SH2D4A: variants seen among roughly 807,000 people sequenced by gnomAD.
SH2D4A encodes SH2 domain-containing protein 4A.
A neutral mutation model predicts 64.7 loss-of-function variants in SH2D4A; 70 were observed. That is an observed-to-expected ratio of 1.08 (90% CI 0.89 to 1.32). The LOEUF is 1.32. Ranked by LOEUF, SH2D4A falls within the 40% of genes most tolerant of loss-of-function variation. The probability of loss-of-function intolerance (pLI) is 0.00; values close to 1 mark genes in which losing one functional copy is unlikely to be tolerated. For missense variants in SH2D4A, 706 were observed against 540.1 expected (o/e 1.31, Z -3.04); for synonymous variants, 268 against 200.7 (o/e 1.34, Z -2.83).
At chr8:19,363,928 G>C (rs558790755) in intron 6 of SH2D4A, 144 bp from the exon 7 acceptor site, 1 of 716,834 alleles carries the variant, frequency 1.4e-6, no homozygotes, top group South Asian at 1.9e-5. Context: ...TGGATCATAG[G>C]TGTTGATAAT....
At position 19,364,259 on chromosome 8, in the gene SH2D4A, G is replaced by A. The variant is rs1255404354; in HGVS notation, c.894G>A (p.Gly298=). 4 of 1,613,946 alleles carry A rather than the reference G, an allele frequency of 2.5e-6. No homozygotes were observed. Among genetic ancestry groups the A allele is most frequent in the South Asian group, 1.1e-5 (1 of 91,078 alleles). The change falls in exon 7 of 10, where the codon GGG becomes GGA. Residue 298 remains glycine, a synonymous_variant. Transcript: ENST00000265807. ...LPPKPQFLNS[G]AYPQKPLRNQ... The stretch of plus-strand genomic sequence containing the variant: ...CCAAGCCTCAGTTCCTAAACTCAGG[G>A]GCATATCCTCAAAAACCTCTTAGGT...
chr8:19,316,822 C>T (rs1368953041), intron 1 of SH2D4A, among the ~76,000 whole-genome samples: 1 of 152,170 alleles, frequency 6.6e-6, no homozygotes, highest in East Asian at 1.9e-4. Context: ...CAGCTGCTGA[C>T]CTGTGCTCTA....
intron 8 of SH2D4A, among the ~76,000 whole-genome samples, chr8:19,376,866 A>G (rs1245686531): frequency 6.6e-6 from 1 of 152,172 alleles, no homozygotes; most frequent in East Asian, 1.9e-4. Context: ...TAATCAGGCA[A>G]AATCATCTCA....
chr8:19,378,563 G>A (rs75221218), intron 8 of SH2D4A, among the ~76,000 whole-genome samples: 24,355 of 151,988 alleles, frequency 0.16, 2,064 homozygotes, highest in Middle Eastern at 0.2. Context: ...AGCCTCCTGA[G>A]TAGCTGGGAT....
At position 19,394,830 on chromosome 8, in the gene SH2D4A, G is replaced by C. The variant is rs1278828361; in HGVS notation, c.*188G>C. On this transcript the variant is annotated 3_prime_UTR_variant, in exon 10 of 10. Transcript: ENST00000265807. ...CACAAATACTGGAATTCAATGTCAA[G>C]AGAAAATGACCTCTGCTCAAAAGGG... 1 of 405,472 alleles carries C rather than the reference G, an allele frequency of 2.5e-6. No homozygotes were observed. Among genetic ancestry groups the C allele is most frequent in the Admixed American group, 4.4e-5 (1 of 22,862 alleles). The allele number at this position is 405,472 out of a possible 1,614,324, so 25.1% of individuals were successfully genotyped here.
chr8:19,364,051 C>G, intron 6 of SH2D4A, 21 bp from the exon 7 acceptor site: 2 of 1,613,010 alleles, frequency 1.2e-6, no homozygotes, highest in Non-Finnish European at 1.7e-6. Context: ...AGGGTTTTCT[C>G]CGACCCCGTT....
intron 2 of SH2D4A, among the ~76,000 whole-genome samples, chr8:19,331,235 G>T (rs1465033534): frequency 6.6e-6 from 1 of 152,188 alleles, no homozygotes; most frequent in Non-Finnish European, 1.5e-5. Context: ...GAATACGTTG[G>T]ACAGAAGACA....
intron 7 of SH2D4A, among the ~76,000 whole-genome samples, chr8:19,373,207 G>A (rs2053133148): frequency 6.6e-6 from 1 of 151,770 alleles, no homozygotes. Flanking sequence ...TTCCTCTTCT[G>A]CCCTTGAGGA....
intron 4 of SH2D4A, among the ~76,000 whole-genome samples, chr8:19,348,553 G>A (rs1327769332): frequency 6.6e-6 from 1 of 152,100 alleles, no homozygotes; most frequent in Non-Finnish European, 1.5e-5. Context: ...ACTCCGGAAC[G>A]ATCAGTTCTG....
chr8:19,317,104 G>C (rs1048855839), intron 1 of SH2D4A, among the ~76,000 whole-genome samples: 2 of 152,156 alleles, frequency 1.3e-5, no homozygotes, highest in African/African-American at 4.8e-5. Flanking sequence ...AACCCCAGCT[G>C]AACTGTTCAT....
chr8:19,393,032 C>T (rs112241047), intron 8 of SH2D4A, among the ~76,000 whole-genome samples: 1,909 of 152,312 alleles, frequency 0.013, 44 homozygotes, highest in African/African-American at 0.044. Flanking sequence ...TGAGCCACCA[C>T]GCCTGGCCCA....
chr8:19,348,940 T>C (rs1477722503), intron 4 of SH2D4A, among the ~76,000 whole-genome samples: 1 of 152,078 alleles, frequency 6.6e-6, no homozygotes, highest in African/African-American at 2.4e-5. Context: ...TGTGAGTCTC[T>C]GGGAGGCAAG....
intron 7 of SH2D4A, among the ~76,000 whole-genome samples, chr8:19,365,809 C>T (rs76206624): frequency 6.7e-6 from 1 of 149,588 alleles, no homozygotes; most frequent in African/African-American, 2.6e-5. Flanking sequence ...AAAGACAGAC[C>T]GGCTCCTACA....
intron 3 of SH2D4A, among the ~76,000 whole-genome samples, chr8:19,333,659 G>T (rs973339632): frequency 2.6e-5 from 4 of 152,210 alleles, no homozygotes; most frequent in Non-Finnish European, 5.9e-5. Flanking sequence ...TCCAGTCTAG[G>T]AGGAGAAGTA....
At chr8:19,370,470 TTTA>T (rs1245900436) in intron 7 of SH2D4A, among the ~76,000 whole-genome samples, 1 of 152,108 alleles carries the variant, frequency 6.6e-6, no homozygotes, top group Non-Finnish European at 1.5e-5. Flanking sequence ...TATTGAACTC[TTTA>T]TTATTGTATA....
chr8:19,313,945 C>A (rs975319537), intron 1 of SH2D4A, 122 bp downstream of exon 1: 3 of 1,275,374 alleles, frequency 2.4e-6, no homozygotes, highest in Non-Finnish European at 3.0e-6. Context: ...AGCGGGCGGG[C>A]GGAAGCCTCA....
At position 19,392,713 on chromosome 8, in the gene SH2D4A, G is replaced by A. The variant is rs528159611; in HGVS notation, c.1049-605G>A. Among the ~76,000 whole-genome samples the A allele has an allele frequency of 6.6e-5, 10 of 152,132 alleles. No individual in the cohort carries two copies. In the Middle Eastern group the frequency reaches 0.01, roughly 156 times the overall value. On this transcript the variant is annotated intron_variant, in intron 8 of 9. Transcript: ENST00000265807. Reference sequence around the variant, plus strand: ...CACCTGTGTGTTGCTCTAAATGGGTGTATAAGTAGAAATATATTCCTTTTT... The same window carrying A: ...CACCTGTGTGTTGCTCTAAATGGGTATATAAGTAGAAATATATTCCTTTTT...
chr8:19,328,238 T>C (rs1415184734), intron 2 of SH2D4A, among the ~76,000 whole-genome samples: 1 of 152,196 alleles, frequency 6.6e-6, no homozygotes, highest in Non-Finnish European at 1.5e-5. Context: ...TTCCCAAGTC[T>C]ACATGGCTAA....
intron 7 of SH2D4A, among the ~76,000 whole-genome samples, chr8:19,365,776 G>C (rs929869186): frequency 6.6e-6 from 1 of 151,278 alleles, no homozygotes; most frequent in Non-Finnish European, 1.5e-5. Flanking sequence ...GATGGCAGAG[G>C]TCACCTCAGA....
Sources: allele counts gnomAD v4.1 joint callset (sites outside exome capture counted in the v4.1 genomes callset), GRCh38; gene constraint gnomAD v4.1.1; transcripts MANE v1.5; gene names NCBI Gene and HGNC (gene_info 2026-07-23, HGNC 2026-07-21).